RPTOR: variants seen among roughly 807,000 people sequenced by gnomAD.
RPTOR encodes the protein regulatory associated protein of MTOR complex 1, also known as regulatory-associated protein of mTOR.
A neutral mutation model predicts 169.9 loss-of-function variants in RPTOR; 21 were observed. The observed-to-expected ratio is 0.12, with a 90% confidence interval of 0.09 to 0.18. RPTOR has a LOEUF of 0.18. Ranked by LOEUF, RPTOR falls within the 10% of genes least tolerant of loss-of-function variation. The pLI, the probability that RPTOR is intolerant of heterozygous loss-of-function variation, is 1.00. For missense variants in RPTOR, 1,133 were observed against 1,855.9 expected, an observed-to-expected ratio of 0.61 and a Z score of 7.16; for synonymous variants, 732 against 753.2, an observed-to-expected ratio of 0.97 and a Z score of 0.46.
At chr17:80,870,407 A>C (rs1293288995) in intron 13 of RPTOR, among the ~76,000 whole-genome samples, 2 of 152,156 alleles carry the variant, frequency 1.3e-5, no homozygotes, top group African/African-American at 4.8e-5. Context: ...CCCGTGCTCA[A>C]ATTCTCTACT....
rs573430138 is a variant in RPTOR at position 80,633,076 on chromosome 17, G to A, written c.265+7283G>A. On this transcript the variant is annotated intron_variant, in intron 2 of 33. Coordinates refer to ENST00000306801, the MANE Select transcript of RPTOR (RefSeq NM_020761.3). This position sits in a 1 kb window ranked among gnomAD's most constrained non-coding sequence, Gnocchi z 4.1. ...GCCTCTTAAAGTGTTGAAATGACCG[G>A]CATGAGCTACCACACTAGGCCCATT... Among the ~76,000 whole-genome samples the A allele has an allele frequency of 9.9e-5, 15 of 152,230 alleles. No homozygotes were observed. The highest frequency in any genetic ancestry group is 2.9e-4 in the African/African-American group (12 of 41,524).
chr17:80,875,721 C>A, intron 13 of RPTOR, among the ~76,000 whole-genome samples: 1 of 151,574 alleles, frequency 6.6e-6, no homozygotes, highest in Non-Finnish European at 1.5e-5. Flanking sequence ...GGTCTTCCAC[C>A]GAGCCCGTGC....
chr17:80,862,928 C>G (rs2067936516), intron 13 of RPTOR, among the ~76,000 whole-genome samples: 1 of 152,218 alleles, frequency 6.6e-6, no homozygotes, highest in South Asian at 2.1e-4. Context: ...AGCCGGCCCT[C>G]AGGACACACT....
rs1169971227 is a variant in RPTOR, at chr17:80,746,638, T to A, written c.655-7372T>A. 6.6e-6 allele frequency among the ~76,000 whole-genome samples: 1 copy of A among 152,176 alleles called. No individual in the cohort carries two copies. Among genetic ancestry groups the A allele is most frequent in the Non-Finnish European group, 1.5e-5 (1 of 68,028 alleles). On this transcript the variant is annotated intron_variant, in intron 5 of 33. Transcript: ENST00000306801. This position sits in a 1 kb window ranked among gnomAD's most constrained non-coding sequence, Gnocchi z 4.5. ...CTTTGGGTGCACGCTCACCTTAGGC[T>A]TGCTGTTTGGGAAAACCATGGCTCT...
intron 13 of RPTOR, among the ~76,000 whole-genome samples, chr17:80,858,481 G>A (rs985429326): frequency 6.6e-6 from 1 of 152,244 alleles, no homozygotes; most frequent in African/African-American, 2.4e-5. Flanking sequence ...ATCTAGGCCA[G>A]GGACCCATAT....
At chr17:80,951,032 T>A (rs2069169527) in intron 28 of RPTOR, among the ~76,000 whole-genome samples, 1 of 152,080 alleles carries the variant, frequency 6.6e-6, no homozygotes, top group African/African-American at 2.4e-5. Context: ...GACACACCCG[T>A]GGCTAGCCCC....
At chr17:80,926,229 C>T (rs1381744653) in intron 24 of RPTOR, among the ~76,000 whole-genome samples, 2 of 152,224 alleles carry the variant, frequency 1.3e-5, no homozygotes, top group African/African-American at 4.8e-5. Flanking sequence ...CCCTGTGGTC[C>T]TGTCTTCATA....
chr17:80,708,728 C>T lies in RPTOR; in HGVS notation c.507+729C>T. On this transcript the variant is annotated intron_variant, in intron 4 of 33. Transcript: ENST00000306801. This position sits in a 1 kb window ranked among gnomAD's most constrained non-coding sequence, Gnocchi z 4.2. ...CATCCTCCAGGGTGGGAACCTTGGT[C>T]TGTCTCAGAGCAGCCAGCTATGGGT... Among the ~76,000 whole-genome samples, 1 of 152,290 alleles carries T rather than the reference C, an allele frequency of 6.6e-6. No individual in the cohort carries two copies. The highest frequency in any genetic ancestry group is 2.4e-5 in the African/African-American group (1 of 41,534).
chr17:80,689,540 G>T (rs1167844114), intron 3 of RPTOR, among the ~76,000 whole-genome samples: 1 of 152,224 alleles, frequency 6.6e-6, no homozygotes, highest in Non-Finnish European at 1.5e-5. Context: ...TAGATTTCAG[G>T]CTTTCATCAG....
chr17:80,688,288 A>G (rs928984848), intron 3 of RPTOR, among the ~76,000 whole-genome samples: 3 of 152,304 alleles, frequency 2.0e-5, no homozygotes, highest in Admixed American at 6.5e-5. Flanking sequence ...AACACACACA[A>G]TTTTATAGCC....
chr17:80,712,763 A>G (rs2066205917), intron 4 of RPTOR, among the ~76,000 whole-genome samples: 1 of 152,190 alleles, frequency 6.6e-6, no homozygotes, highest in Non-Finnish European at 1.5e-5. Context: ...CAACATGTCT[A>G]CGCCGTTTTG....
intron 6 of RPTOR, among the ~76,000 whole-genome samples, chr17:80,772,094 T>C (rs755862280): frequency 4.6e-5 from 7 of 152,164 alleles, no homozygotes; most frequent in Non-Finnish European, 1.0e-4. Context: ...GTGCTGGGAT[T>C]ACAGGCCTGA....
intron 4 of RPTOR, among the ~76,000 whole-genome samples, chr17:80,720,493 A>G (rs184420059): frequency 2.0e-5 from 3 of 152,350 alleles, no homozygotes; most frequent in Admixed American, 1.3e-4. Context: ...AAATTCTAGC[A>G]TTTTGTGTTT....
intron 4 of RPTOR, among the ~76,000 whole-genome samples, chr17:80,716,076 A>G (rs1048444661): frequency 1.1e-4 from 16 of 152,082 alleles, no homozygotes; most frequent in African/African-American, 3.9e-4. Flanking sequence ...CCTCTGGGTA[A>G]ATACCCAGTA....
At position 80,730,297 on chromosome 17, in the gene RPTOR, G is replaced by A. The variant is rs1377303592; in HGVS notation, c.508-263G>A. ...AATTTTGTATTTTTAGTAGAGACTG[G>A]GTTTTACCATGTTGGCCAGGCTGGT... On this transcript the variant is annotated intron_variant, in intron 4 of 33. Coordinates refer to ENST00000306801, the MANE Select transcript of RPTOR (RefSeq NM_020761.3). The surrounding 1 kb of genome is among the most constrained non-coding windows in gnomAD (Gnocchi z 4.2). Among the ~76,000 whole-genome samples the A allele has an allele frequency of 6.6e-6, 1 of 152,078 alleles. No individual in the cohort carries two copies. The highest frequency in any genetic ancestry group is 6.5e-5 in the Admixed American group (1 of 15,270).
At chr17:80,774,227 G>A (rs1184985148) in intron 6 of RPTOR, 7 of 985,384 alleles carry the variant, frequency 7.1e-6, no homozygotes, top group Non-Finnish European at 8.4e-6. Flanking sequence ...CTCGGTTCTC[G>A]ACAGCGCCCG....
At chr17:80,599,029 C>T (rs1011133007) in intron 1 of RPTOR, among the ~76,000 whole-genome samples, 4 of 152,078 alleles carry the variant, frequency 2.6e-5, no homozygotes, top group Non-Finnish European at 5.9e-5. Context: ...CCACCCCAGC[C>T]CCCCGGGAAG....
chr17:80,619,547 C>T lies in RPTOR; in HGVS notation c.163-6144C>T, dbSNP rs560424332. On this transcript the variant is annotated intron_variant, in intron 1 of 33. Coordinates refer to ENST00000306801, the MANE Select transcript of RPTOR (RefSeq NM_020761.3). ...GACATGCTCTGAGCTTACAGGCCTT[C>T]GAGTGGAGGTGATCTGGTCTGCAGG... is the stretch of plus-strand genomic sequence containing the variant. Among the ~76,000 whole-genome samples, 105 of 152,254 alleles carry T rather than the reference C, an allele frequency of 6.9e-4. 1 individual carries two copies. Among genetic ancestry groups the T allele is most frequent in the South Asian group, 5.4e-3 (26 of 4,818 alleles).
At chr17:80,716,438 T>A (rs1313406814) in intron 4 of RPTOR, among the ~76,000 whole-genome samples, 1 of 152,182 alleles carries the variant, frequency 6.6e-6, no homozygotes, top group Non-Finnish European at 1.5e-5. Flanking sequence ...TGCTGATTTG[T>A]TTGAGTTTGT....
Sources: gnomAD v4.1 joint callset for allele counts (sites outside exome capture counted in the v4.1 genomes callset) on GRCh38, gnomAD v4.1.1 for gene constraint, Gnocchi (gnomAD v3.1) non-coding constraint, MANE v1.5 for transcripts, NCBI Gene and HGNC (gene_info 2026-07-23, HGNC 2026-07-21) for gene names.